The following HTR7 variants were observed in gnomAD, a reference collection of about 807,000 sequenced individuals.
HTR7 encodes the protein 5-hydroxytryptamine receptor 7.
In HTR7, 16 loss-of-function variants were observed where a neutral mutation model predicts 34.0. The ratio of observed to expected loss-of-function variants is 0.47; its 90% CI spans 0.32 to 0.71. The LOEUF (loss-of-function observed/expected upper bound fraction) is 0.71. Among genes scored for constraint, HTR7 ranks in the 30% least tolerant of loss-of-function variants. The pLI is 0.04. For synonymous variants in HTR7, 265 were observed against 260.2 expected (o/e 1.02, Z -0.18); for missense variants, 504 against 625.5 (o/e 0.81, Z 2.07).
intron 1 of HTR7, among the ~76,000 whole-genome samples, chr10:90,854,872 T>A (rs559233369): frequency 1.3e-5 from 2 of 152,340 alleles, no homozygotes; most frequent in African/African-American, 4.8e-5. Context: ...GTAACCTATA[T>A]TAGGTACTCA....
chr10:90,754,868 TA>T (rs1395717639), intron 1 of HTR7, among the ~76,000 whole-genome samples: 7 of 152,174 alleles, frequency 4.6e-5, no homozygotes, highest in Non-Finnish European at 1.0e-4. Context: ...GCGTTCAGCT[TA>T]AAAAGCGTTC....
chr10:90,837,369 A>G (rs750807943), intron 1 of HTR7, among the ~76,000 whole-genome samples: 3 of 152,230 alleles, frequency 2.0e-5, no homozygotes, highest in Non-Finnish European at 4.4e-5. Context: ...AAACAATGAT[A>G]TGGTTGAATG....
chr10:90,806,637 TA>T (rs1030177235), intron 1 of HTR7, among the ~76,000 whole-genome samples: 4 of 149,744 alleles, frequency 2.7e-5, no homozygotes, highest in South Asian at 2.1e-4. Flanking sequence ...AATAAAAAAA[TA>T]AAAAAAAAGT....
intron 1 of HTR7, among the ~76,000 whole-genome samples, chr10:90,830,525 G>A (rs1846151078): frequency 1.3e-5 from 2 of 152,156 alleles, no homozygotes; most frequent in Admixed American, 6.5e-5. Context: ...AGTGGCTCAC[G>A]CCTGTAATTC....
chr10:90,771,867 G>T (rs181387548), intron 1 of HTR7, among the ~76,000 whole-genome samples: 1 of 152,116 alleles, frequency 6.6e-6, no homozygotes, highest in Admixed American at 6.5e-5. Flanking sequence ...GAGGTTTCCA[G>T]CCAGAGAAAT....
intron 1 of HTR7, among the ~76,000 whole-genome samples, chr10:90,763,450 A>G (rs1446529601): frequency 6.6e-6 from 1 of 152,150 alleles, no homozygotes; most frequent in Non-Finnish European, 1.5e-5. Context: ...GATAAAACTT[A>G]GTCATTTTTA....
chr10:90,742,429 T>C lies in HTR7; in HGVS notation c.*53A>G. ...TCTGCAGACTCAGCAAATGACTTCC[T>C]TCTGTTTCCACCTCTATTTTGCCTT... On this transcript the variant is annotated 3_prime_UTR_variant, in exon 4 of 4. Coordinates refer to ENST00000336152, the MANE Select transcript of HTR7 (RefSeq NM_019859.4). 7.1e-7 allele frequency: 1 copy of C among 1,412,626 alleles called. No homozygotes were observed. The highest frequency in any genetic ancestry group is 9.9e-7 in the Non-Finnish European group (1 of 1,012,522). The allele number at this position is 1,412,626 out of a possible 1,614,324, so 87.5% of individuals were successfully genotyped here.
chr10:90,764,058 A>C (rs1165780550), intron 1 of HTR7, among the ~76,000 whole-genome samples: 1 of 152,190 alleles, frequency 6.6e-6, no homozygotes, highest in African/African-American at 2.4e-5. Context: ...TGGTTGAACT[A>C]ATTTACATTC....
At chr10:90,800,784 A>T (rs781053708) in intron 1 of HTR7, among the ~76,000 whole-genome samples, 8 of 152,198 alleles carry the variant, frequency 5.3e-5, no homozygotes, top group Non-Finnish European at 1.0e-4. Flanking sequence ...AATACTAAAT[A>T]TCCTGAGAAC....
chr10:90,853,946 A>G (rs777996235), intron 1 of HTR7, among the ~76,000 whole-genome samples: 3 of 152,242 alleles, frequency 2.0e-5, no homozygotes, highest in Non-Finnish European at 2.9e-5. Context: ...TATGGATACA[A>G]TTCTTTGAGC....
chr10:90,822,190 G>A (rs1845994362), intron 1 of HTR7, among the ~76,000 whole-genome samples: 1 of 152,204 alleles, frequency 6.6e-6, no homozygotes, highest in Admixed American at 6.5e-5. Flanking sequence ...GGAAAGTTTG[G>A]AACTTCCTAG....
chr10:90,743,953 T>C, intron 2 of HTR7: 1 of 624,138 alleles, frequency 1.6e-6, no homozygotes, highest in South Asian at 1.5e-5. Context: ...GTTATGCTGA[T>C]CAAGAAAATG....
At chr10:90,828,658 T>G (rs1564696195) in intron 1 of HTR7, among the ~76,000 whole-genome samples, 1 of 151,938 alleles carries the variant, frequency 6.6e-6, no homozygotes, top group Non-Finnish European at 1.5e-5. Flanking sequence ...AATCCAAAAT[T>G]TGAACATACC....
intron 1 of HTR7, among the ~76,000 whole-genome samples, chr10:90,849,876 G>C (rs1397730678): frequency 6.6e-6 from 1 of 152,192 alleles, no homozygotes; most frequent in Non-Finnish European, 1.5e-5. Flanking sequence ...TCAAGCAGTT[G>C]TTGAGACAAC....
Position 90,840,476 on chromosome 10 carries a change from A to G in HTR7, c.539+16657T>C, listed in dbSNP as rs140105146. Among the ~76,000 whole-genome samples the G allele has an allele frequency of 8.5e-5, 13 of 152,300 alleles. No individual in the cohort carries two copies. In the East Asian group the frequency reaches 2.1e-3, roughly 25 times the overall value. The stretch of plus-strand genomic sequence containing the variant: ...GCAGAAAACTTAGCTGCAGTATGCA[A>G]TGCAAGTGTCCTCAACACCCAACAC... On this transcript the variant is annotated intron_variant, in intron 1 of 3. Transcript: ENST00000336152.
intron 1 of HTR7, among the ~76,000 whole-genome samples, chr10:90,774,700 C>G (rs1043026384): frequency 5.3e-5 from 8 of 152,172 alleles, no homozygotes; most frequent in African/African-American, 1.9e-4. Context: ...CTCTGCCATC[C>G]TCAGTGCATG....
intron 1 of HTR7, among the ~76,000 whole-genome samples, chr10:90,822,874 G>A (rs1213793679): frequency 6.6e-6 from 1 of 152,190 alleles, no homozygotes; most frequent in African/African-American, 2.4e-5. Context: ...GTACAGTTCA[G>A]GCCACTGTTC....
chr10:90,757,450 C>G (rs1291369407), intron 1 of HTR7, among the ~76,000 whole-genome samples: 3 of 152,190 alleles, frequency 2.0e-5, no homozygotes, highest in Non-Finnish European at 4.4e-5. Flanking sequence ...AAATCCTGAG[C>G]TTAGCGGGAT....
intron 1 of HTR7, among the ~76,000 whole-genome samples, chr10:90,815,990 G>A (rs1305611622): frequency 6.6e-6 from 1 of 152,144 alleles, no homozygotes; most frequent in African/African-American, 2.4e-5. Flanking sequence ...ATGCTAACAG[G>A]GATAGCAGTG....
Sources: gnomAD v4.1 joint callset for allele counts (sites outside exome capture counted in the v4.1 genomes callset) on GRCh38, gnomAD v4.1.1 for gene constraint, MANE v1.5 for transcripts, NCBI Gene and HGNC (gene_info 2026-07-23, HGNC 2026-07-21) for gene names.